The following PTPRM variants were observed in gnomAD, a reference collection of about 807,000 sequenced individuals.
The protein encoded by PTPRM is protein tyrosine phosphatase receptor type M.
Under a neutral mutation model 186.7 loss-of-function variants are expected in PTPRM, and 47 were observed. The ratio of observed to expected loss-of-function variants is 0.25; its 90% CI spans 0.20 to 0.32. The LOEUF (loss-of-function observed/expected upper bound fraction) is 0.32. Among genes scored for constraint, PTPRM ranks in the 10% least tolerant of loss-of-function variants. The pLI is 1.00. For synonymous variants in PTPRM, 668 were observed against 674.9 expected, an observed-to-expected ratio of 0.99 and a Z score of 0.16; for missense variants, 1,494 against 1,865.0, an observed-to-expected ratio of 0.80 and a Z score of 3.66.
At chr18:8,202,528 A>G (rs970391565) in intron 14 of PTPRM, among the ~76,000 whole-genome samples, 11 of 152,004 alleles carry the variant, frequency 7.2e-5, no homozygotes, top group African/African-American at 2.7e-4. Flanking sequence ...AGAAAGATTA[A>G]GATGTTTCTG....
At chr18:8,039,738 T>A (rs952956457) in intron 7 of PTPRM, among the ~76,000 whole-genome samples, 3 of 152,190 alleles carry the variant, frequency 2.0e-5, no homozygotes, top group Non-Finnish European at 4.4e-5. Context: ...ATTCATCATG[T>A]TGTACAGTAG....
intron 2 of PTPRM, among the ~76,000 whole-genome samples, chr18:7,833,913 A>G (rs1001445871): frequency 6.6e-6 from 1 of 152,154 alleles, no homozygotes; most frequent in Non-Finnish European, 1.5e-5. Flanking sequence ...CAGAAGGATA[A>G]TTTGACTTCT....
At chr18:7,771,830 A>C (rs1456568070) in intron 1 of PTPRM, among the ~76,000 whole-genome samples, 3 of 152,246 alleles carry the variant, frequency 2.0e-5, no homozygotes, top group Non-Finnish European at 4.4e-5. Context: ...CTATTACCAC[A>C]ATTGAATGAC....
rs868203930 is a variant in PTPRM at position 8,069,933 on chromosome 18, C to T, written c.1380C>T (p.Ile460=). 1 of 1,614,054 alleles carries T rather than the reference C, an allele frequency of 6.2e-7. No homozygotes were observed. Among genetic ancestry groups the T allele is most frequent in the Non-Finnish European group, 8.5e-7 (1 of 1,179,942 alleles). The change falls in exon 8 of 33, where the codon ATC becomes ATT. Residue 460 remains isoleucine (I), a synonymous_variant. Transcript: ENST00000580170. ...SPYTNVSVKL[I]LMNPEGRKES... ...ACACCAATGTCAGTGTGAAACTGAT[C>T]CTCATGAACCCAGAGGGCCGGAAGG... is the stretch of plus-strand genomic sequence containing the variant.
chr18:8,108,855 T>C (rs1296992964), intron 11 of PTPRM, among the ~76,000 whole-genome samples: 1 of 152,208 alleles, frequency 6.6e-6, no homozygotes, highest in Non-Finnish European at 1.5e-5. Context: ...GTAGGAAGAT[T>C]TGATGTTACT....
At chr18:7,875,249 T>C (rs188789703) in intron 2 of PTPRM, among the ~76,000 whole-genome samples, 2 of 151,560 alleles carry the variant, frequency 1.3e-5, no homozygotes, top group East Asian at 3.9e-4. Context: ...TATCCCACAG[T>C]GGGTAAATTG....
intron 1 of PTPRM, among the ~76,000 whole-genome samples, chr18:7,647,033 C>A (rs1393390836): frequency 6.6e-6 from 1 of 152,112 alleles, no homozygotes; most frequent in African/African-American, 2.4e-5. Context: ...TCGGAGGCCA[C>A]CACAGGCCCT....
At chr18:7,727,435 A>G (rs1163402034) in intron 1 of PTPRM, among the ~76,000 whole-genome samples, 1 of 152,230 alleles carries the variant, frequency 6.6e-6, no homozygotes, top group Non-Finnish European at 1.5e-5. Flanking sequence ...ACTAATCATT[A>G]ATGATTTTAA....
chr18:7,886,548 T>A (rs1451451557), intron 2 of PTPRM, among the ~76,000 whole-genome samples: 1 of 152,238 alleles, frequency 6.6e-6, no homozygotes, highest in Non-Finnish European at 1.5e-5. Flanking sequence ...CCTTCACTGC[T>A]GTGAAAGGGT....
intron 19 of PTPRM, among the ~76,000 whole-genome samples, chr18:8,257,942 T>C (rs1214398110): frequency 1.3e-5 from 2 of 152,134 alleles, no homozygotes; most frequent in Admixed American, 6.5e-5. Context: ...GAGCATACCA[T>C]GTGGTGGGGA....
chr18:8,075,948 TTTA>T (rs934925215), intron 8 of PTPRM, among the ~76,000 whole-genome samples: 19 of 152,136 alleles, frequency 1.2e-4, no homozygotes, highest in African/African-American at 3.4e-4. Context: ...TTGTTTCTCA[TTTA>T]TTATTATTAC....
intron 2 of PTPRM, among the ~76,000 whole-genome samples, chr18:7,817,554 A>G (rs1179615979): frequency 6.6e-6 from 1 of 152,250 alleles, no homozygotes; most frequent in Non-Finnish European, 1.5e-5. Flanking sequence ...TTTTATAATT[A>G]CAAAAGGGTT....
intron 19 of PTPRM, among the ~76,000 whole-genome samples, chr18:8,265,239 G>T (rs545053410): frequency 1.3e-5 from 2 of 152,316 alleles, no homozygotes; most frequent in South Asian, 4.1e-4. Flanking sequence ...TCTCAGCTCT[G>T]TGACATGAGG....
chr18:7,964,526 T>C (rs1265438533), intron 7 of PTPRM, among the ~76,000 whole-genome samples: 1 of 152,228 alleles, frequency 6.6e-6, no homozygotes, highest in Non-Finnish European at 1.5e-5. Flanking sequence ...TTACATATGC[T>C]AATGCAGGAA....
intron 1 of PTPRM, among the ~76,000 whole-genome samples, chr18:7,569,107 G>A (rs2036509206): frequency 6.6e-6 from 1 of 152,150 alleles, no homozygotes; most frequent in African/African-American, 2.4e-5. Context: ...TTAATGAAGA[G>A]GACTTTCATA....
At chr18:8,087,658 G>C (rs956746214) in intron 10 of PTPRM, among the ~76,000 whole-genome samples, 1 of 152,076 alleles carries the variant, frequency 6.6e-6, no homozygotes, top group Admixed American at 6.6e-5. Flanking sequence ...AACCACTCTT[G>C]TTAATTCTAT....
rs533158827 is a variant in PTPRM at position 8,186,273 on chromosome 18, C to T, written c.2300+42494C>T. On this transcript the variant is annotated intron_variant, in intron 14 of 32. Coordinates refer to ENST00000580170, the MANE Select transcript of PTPRM (RefSeq NM_001105244.2). ...CCTGGAAGGCGAAGGTTGCAGTGAG[C>T]GGAGATCGTGCCACTGCACTCCAGC... Among the ~76,000 whole-genome samples, 158 of 140,480 alleles carry T rather than the reference C, an allele frequency of 1.1e-3. 1 individual carries two copies. The highest frequency in any genetic ancestry group is 2.0e-3 in the Non-Finnish European group (132 of 66,632). 92.2% of individuals were successfully genotyped at this position (140,480 alleles called of 152,430 possible).
At chr18:7,587,112 A>G (rs1437354315) in intron 1 of PTPRM, among the ~76,000 whole-genome samples, 1 of 152,182 alleles carries the variant, frequency 6.6e-6, no homozygotes, top group Non-Finnish European at 1.5e-5. Context: ...ATTTTATAGG[A>G]GTATAAACCT....
At chr18:8,373,905 A>C (rs1327021537) in intron 24 of PTPRM, among the ~76,000 whole-genome samples, 1 of 152,012 alleles carries the variant, frequency 6.6e-6, no homozygotes, top group Admixed American at 6.6e-5. Flanking sequence ...AAAAAAAATT[A>C]AGTGACTCTC....
Sources: allele counts gnomAD v4.1 joint callset (sites outside exome capture counted in the v4.1 genomes callset), GRCh38; gene constraint gnomAD v4.1.1; transcripts MANE v1.5; gene names NCBI Gene and HGNC (gene_info 2026-07-23, HGNC 2026-07-21).